The following CHST9 variants were observed in gnomAD, a reference collection of about 807,000 sequenced individuals.
CHST9 encodes GalNAc-4-sulfotransferase 2.
In CHST9, 41 loss-of-function variants were observed where a neutral mutation model predicts 44.4. The observed-to-expected ratio is 0.92, with a 90% CI of 0.72 to 1.20. CHST9 has a LOEUF of 1.20. Among genes scored for constraint, CHST9 ranks in the 50% most tolerant of loss-of-function variants. The pLI is 0.00. For synonymous variants in CHST9, 171 were observed against 178.4 expected, an observed-to-expected ratio of 0.96 and a Z score of 0.33; for missense variants, 504 against 516.5, an observed-to-expected ratio of 0.98 and a Z score of 0.23.
intron 3 of CHST9, among the ~76,000 whole-genome samples, chr18:27,038,970 A>G (rs1178489342): frequency 6.6e-6 from 1 of 152,202 alleles, no homozygotes; most frequent in Non-Finnish European, 1.5e-5. Context: ...TAATTTATAT[A>G]TATGGCTTAC....
At chr18:26,963,673 T>G (rs1374405353) in intron 4 of CHST9, among the ~76,000 whole-genome samples, 1 of 152,052 alleles carries the variant, frequency 6.6e-6, no homozygotes, top group Admixed American at 6.6e-5. Context: ...ATGTAGTGAG[T>G]AAGATCACAA....
intron 1 of CHST9, among the ~76,000 whole-genome samples, chr18:27,165,602 C>G (rs1170808026): frequency 2.0e-5 from 3 of 152,150 alleles, no homozygotes; most frequent in Non-Finnish European, 2.9e-5. Context: ...GACTCATAAC[C>G]AGCAGAGCCA....
intron 1 of CHST9, among the ~76,000 whole-genome samples, chr18:27,156,543 G>A (rs2058699926): frequency 6.6e-6 from 1 of 152,048 alleles, no homozygotes; most frequent in South Asian, 2.1e-4. Flanking sequence ...AAAATAGTGA[G>A]ATATTCCAAA....
intron 1 of CHST9, among the ~76,000 whole-genome samples, chr18:27,166,561 G>A (rs1490576676): frequency 1.3e-5 from 2 of 152,204 alleles, no homozygotes; most frequent in Non-Finnish European, 2.9e-5. Flanking sequence ...CTTAGACACA[G>A]TGAGTGGAAC....
chr18:27,102,481 G>T (rs1236210755), intron 2 of CHST9, among the ~76,000 whole-genome samples: 1 of 152,052 alleles, frequency 6.6e-6, no homozygotes, highest in Non-Finnish European at 1.5e-5. Context: ...TATAAAAAGG[G>T]TCTAAAATTA....
At chr18:27,053,276 G>GAAGGAGAAGGAGAAGGAGAAGGAC (rs2057606975) in intron 2 of CHST9, among the ~76,000 whole-genome samples, 1 of 130,000 alleles carries the variant, frequency 7.7e-6, no homozygotes, top group Admixed American at 7.6e-5. Flanking sequence ...AGGAGAAGGA[G>GAAGGAGAAGGAGAAGGAGAAGGAC]AAGGAGAAGG....
At chr18:27,069,900 G>C (rs1461466831) in intron 2 of CHST9, among the ~76,000 whole-genome samples, 1 of 152,176 alleles carries the variant, frequency 6.6e-6, no homozygotes, top group Non-Finnish European at 1.5e-5. Context: ...ATTTGAGCCA[G>C]AAAGAGGTTC....
At chr18:27,072,096 A>G (rs764725460) in intron 2 of CHST9, among the ~76,000 whole-genome samples, 33 of 152,288 alleles carry the variant, frequency 2.2e-4, no homozygotes, top group South Asian at 4.1e-4. Context: ...TGATTGGACT[A>G]TAGCTGGGCT....
chr18:27,124,123 A>G (rs1215846037), intron 2 of CHST9, among the ~76,000 whole-genome samples: 1 of 152,242 alleles, frequency 6.6e-6, no homozygotes, highest in Non-Finnish European at 1.5e-5. Context: ...CCCAAAGTCA[A>G]AACTGAATAA....
At chr18:26,936,315 A>G (rs1463216330) in intron 5 of CHST9, 1 of 152,164 alleles carries the variant, frequency 6.6e-6, no homozygotes, top group Non-Finnish European at 1.5e-5. Context: ...CCTTAATTCA[A>G]GTTCTTTATC....
intron 4 of CHST9, among the ~76,000 whole-genome samples, chr18:26,957,353 G>A (rs1210594368): frequency 6.6e-6 from 1 of 152,170 alleles, no homozygotes; most frequent in African/African-American, 2.4e-5. Flanking sequence ...GTTGAAGTCA[G>A]TCTGTTTCTT....
intron 2 of CHST9, among the ~76,000 whole-genome samples, chr18:27,129,942 C>CAAT (rs1322823270): frequency 6.6e-6 from 1 of 151,668 alleles, no homozygotes; most frequent in Non-Finnish European, 1.5e-5. Context: ...GGAAATAAGC[C>CAAT]AATAATTCCA....
chr18:27,035,596 A>G (rs971071855), intron 3 of CHST9, among the ~76,000 whole-genome samples: 5 of 152,106 alleles, frequency 3.3e-5, no homozygotes, highest in Non-Finnish European at 5.9e-5. Flanking sequence ...TAATGCATAC[A>G]TAATGGAATA....
At chr18:26,934,500 C>G (rs1409355933) in intron 5 of CHST9, 4 of 152,234 alleles carry the variant, frequency 2.6e-5, no homozygotes, top group Admixed American at 2.0e-4. Flanking sequence ...TCCCAAAGTG[C>G]TGGGATTACA....
At chr18:27,107,257 G>T (rs575266304) in intron 2 of CHST9, among the ~76,000 whole-genome samples, 8 of 152,218 alleles carry the variant, frequency 5.3e-5, no homozygotes, top group African/African-American at 1.9e-4. Flanking sequence ...TGAAGTTTCC[G>T]CCAGTGGTAT....
intron 2 of CHST9, among the ~76,000 whole-genome samples, chr18:27,091,161 G>A (rs1443555063): frequency 1.3e-5 from 2 of 152,006 alleles, no homozygotes; most frequent in African/African-American, 2.4e-5. Flanking sequence ...GGTCCTTCAC[G>A]TCCCTTGTAA....
intron 5 of CHST9, among the ~76,000 whole-genome samples, chr18:26,927,092 G>A (rs2055781652): frequency 6.6e-6 from 1 of 152,194 alleles, no homozygotes; most frequent in Non-Finnish European, 1.5e-5. Context: ...ATGGAGGGGT[G>A]CACCCTGACT....
intron 1 of CHST9, among the ~76,000 whole-genome samples, chr18:27,173,030 C>A (rs1334751856): frequency 6.6e-6 from 1 of 151,972 alleles, no homozygotes; most frequent in Non-Finnish European, 1.5e-5. Flanking sequence ...ATATCATATG[C>A]TTTTACAGTA....
Position 27,133,679 on chromosome 18 carries a change from C to T in CHST9, c.121+9010G>A, listed in dbSNP as rs146711663. On this transcript the variant is annotated intron_variant, in intron 2 of 5. Transcript: ENST00000618847. The stretch of plus-strand genomic sequence containing the variant: ...AATTATTACAAATTGAGATCAGTGC[C>T]ATGAAGTAAATTTTAAAAAACAATG... Among the ~76,000 whole-genome samples, 17 of 152,168 alleles carry T rather than the reference C, an allele frequency of 1.1e-4. No individual in the cohort carries two copies. The East Asian group carries it at 2.7e-3, about 24-fold the overall frequency.
Sources: allele counts gnomAD v4.1 joint callset (sites outside exome capture counted in the v4.1 genomes callset), GRCh38; gene constraint gnomAD v4.1.1; transcripts MANE v1.5; gene names NCBI Gene and HGNC (gene_info 2026-07-23, HGNC 2026-07-21).